PLCB4: variants seen among roughly 807,000 people sequenced by gnomAD.
PLCB4 encodes 1-phosphatidylinositol 4,5-bisphosphate phosphodiesterase beta-4.
In PLCB4, 77 loss-of-function variants were observed where a neutral mutation model predicts 178.8. The ratio of observed to expected loss-of-function variants is 0.43; its 90% CI spans 0.36 to 0.52. The LOEUF is 0.52. Among genes scored for constraint, PLCB4 ranks in the 20% least tolerant of loss-of-function variants. PLCB4 has a pLI of 0.00. For synonymous variants in PLCB4, 496 were observed against 490.8 expected, an observed-to-expected ratio of 1.01 and a Z score of -0.14; for missense variants, 1,024 against 1,453.4, an observed-to-expected ratio of 0.70 and a Z score of 4.80.
intron 2 of PLCB4, among the ~76,000 whole-genome samples, chr20:9,186,174 C>T (rs2093325890): frequency 6.6e-6 from 1 of 152,102 alleles, no homozygotes; most frequent in African/African-American, 2.4e-5. Context: ...TGTCCCTTGA[C>T]CTTGGATGCC....
intron 3 of PLCB4, among the ~76,000 whole-genome samples, chr20:9,292,347 A>G (rs1004372178): frequency 6.6e-6 from 1 of 152,212 alleles, no homozygotes; most frequent in Admixed American, 6.5e-5. Context: ...GTCCAAGGGC[A>G]AATGAAGGGC....
chr20:9,403,814 TAA>T (rs2039227481), intron 20 of PLCB4, among the ~76,000 whole-genome samples: 1 of 152,220 alleles, frequency 6.6e-6, no homozygotes. Context: ...TTAGAATAGG[TAA>T]AGAGACACCT....
chr20:9,285,485 A>G (rs1291056445), intron 3 of PLCB4, among the ~76,000 whole-genome samples: 1 of 151,990 alleles, frequency 6.6e-6, no homozygotes, highest in Non-Finnish European at 1.5e-5. Context: ...AGTAGAATTC[A>G]TAGGAAATCT....
At chr20:9,237,280 C>T (rs1365036898) in intron 3 of PLCB4, among the ~76,000 whole-genome samples, 2 of 152,226 alleles carry the variant, frequency 1.3e-5, no homozygotes, top group Non-Finnish European at 1.5e-5. Flanking sequence ...ATATGCTTGT[C>T]ACACACATCC....
chr20:9,207,916 T>A (rs537372222), intron 2 of PLCB4, among the ~76,000 whole-genome samples: 2 of 152,330 alleles, frequency 1.3e-5, no homozygotes, highest in Admixed American at 6.5e-5. Context: ...TTTTCTTTTT[T>A]AAAGAGATTT....
intron 3 of PLCB4, among the ~76,000 whole-genome samples, chr20:9,300,567 T>C (rs920255107): frequency 3.3e-5 from 5 of 152,158 alleles, no homozygotes; most frequent in Non-Finnish European, 5.9e-5. Context: ...GATGCAAAAT[T>C]GTTACAAGAC....
chr20:9,139,770 G>A (rs1485605782), intron 2 of PLCB4, among the ~76,000 whole-genome samples: 2 of 151,888 alleles, frequency 1.3e-5, no homozygotes, highest in African/African-American at 4.8e-5. Flanking sequence ...CACTATTCAC[G>A]GAAACTTTCA....
chr20:9,213,031 G>A (rs2093688926), intron 2 of PLCB4, among the ~76,000 whole-genome samples: 1 of 150,332 alleles, frequency 6.7e-6, no homozygotes, highest in South Asian at 2.1e-4. Context: ...CCACTAGTCA[G>A]CTTTCTGTTT....
chr20:9,447,965 A>G (rs189645541), intron 32 of PLCB4, among the ~76,000 whole-genome samples: 27 of 152,258 alleles, frequency 1.8e-4, no homozygotes, highest in Non-Finnish European at 3.1e-4. Flanking sequence ...CATTGGGCCA[A>G]GAGCTGGAGG....
chr20:9,427,241 A>G (rs959815796), intron 28 of PLCB4, among the ~76,000 whole-genome samples: 14 of 152,056 alleles, frequency 9.2e-5, no homozygotes. Context: ...CAACAACAAC[A>G]ACAAAATAAC....
intron 3 of PLCB4, among the ~76,000 whole-genome samples, chr20:9,231,201 TC>T (rs1373506262): frequency 6.6e-6 from 1 of 152,138 alleles, no homozygotes; most frequent in Non-Finnish European, 1.5e-5. Context: ...GGTGATAGTT[TC>T]CATTTTCAGA....
At chr20:9,292,123 C>G (rs943080325) in intron 3 of PLCB4, among the ~76,000 whole-genome samples, 2 of 152,174 alleles carry the variant, frequency 1.3e-5, no homozygotes, top group Non-Finnish European at 2.9e-5. Flanking sequence ...GCACTTTGCC[C>G]ATTTTTGTGA....
intron 35 of PLCB4, among the ~76,000 whole-genome samples, chr20:9,466,962 A>C (rs527397212): frequency 2.9e-4 from 44 of 152,318 alleles, no homozygotes; most frequent in African/African-American, 1.1e-3. Flanking sequence ...CCATGCTACT[A>C]TAAAGACACA....
At chr20:9,267,644 C>T (rs1188068586) in intron 3 of PLCB4, among the ~76,000 whole-genome samples, 1 of 152,012 alleles carries the variant, frequency 6.6e-6, no homozygotes, top group African/African-American at 2.4e-5. Context: ...TGCTTAGATA[C>T]ATGAAAATAT....
intron 2 of PLCB4, among the ~76,000 whole-genome samples, chr20:9,172,906 T>G (rs1034909210): frequency 6.6e-6 from 1 of 152,238 alleles, no homozygotes; most frequent in African/African-American, 2.4e-5. Flanking sequence ...TCCTGTTATC[T>G]GCAAAGAGCA....
At chr20:9,246,329 A>G (rs1391661339) in intron 3 of PLCB4, among the ~76,000 whole-genome samples, 1 of 152,118 alleles carries the variant, frequency 6.6e-6, no homozygotes, top group Non-Finnish European at 1.5e-5. Context: ...CAAAAACCAC[A>G]ATTACTTTTG....
intron 3 of PLCB4, among the ~76,000 whole-genome samples, chr20:9,273,675 AGTGTGTGTGT>A (rs398035325): frequency 1.3e-4 from 18 of 135,944 alleles, no homozygotes; most frequent in South Asian, 7.5e-4. Context: ...TTATGGTTGC[AGTGTGTGTGT>A]GTGTGTGTGT....
At chr20:9,451,792 A>ATC (rs1410576864) in intron 32 of PLCB4, among the ~76,000 whole-genome samples, 3 of 152,186 alleles carry the variant, frequency 2.0e-5, no homozygotes, top group Non-Finnish European at 4.4e-5. Flanking sequence ...TTCACTTTTA[A>ATC]TCCTAACAAC....
chr20:9,206,299 C>CTT (rs71184138), intron 2 of PLCB4, among the ~76,000 whole-genome samples: 32 of 96,094 alleles, frequency 3.3e-4, no homozygotes, highest in Non-Finnish European at 5.8e-4. Flanking sequence ...TTTCTTTTTT[C>CTT]TTTTTTTTTT....
Sources: gnomAD v4.1 joint callset for allele counts (sites outside exome capture counted in the v4.1 genomes callset) on GRCh38, gnomAD v4.1.1 for gene constraint, MANE v1.5 for transcripts, NCBI Gene and HGNC (gene_info 2026-07-23, HGNC 2026-07-21) for gene names.